The following ATP11B variants were observed in gnomAD, a reference collection of about 807,000 sequenced individuals.
ATP11B encodes phospholipid-transporting ATPase IF.
In ATP11B, 81 loss-of-function variants were observed where a neutral mutation model predicts 157.8. That is an observed-to-expected ratio of 0.51 (90% CI 0.43 to 0.62). The LOEUF (loss-of-function observed/expected upper bound fraction) is 0.62, where lower values mean the gene tolerates loss of function less well. Among genes scored for constraint, ATP11B ranks in the 20% least tolerant of loss-of-function variants. The pLI is 0.00. For synonymous variants in ATP11B, 451 were observed against 469.4 expected (o/e 0.96, Z 0.51); for missense variants, 1,165 against 1,402.2 (o/e 0.83, Z 2.70).
intron 22 of ATP11B, 41 bp from the exon 23 acceptor site, chr3:182,885,910 C>A (rs778731460): frequency 1.5e-6 from 2 of 1,358,350 alleles, no homozygotes; most frequent in South Asian, 1.5e-5. Flanking sequence ...TCTTTGAAAC[C>A]TAAATATTTT....
chr3:182,793,816 C>T (rs1437044442), intron 1 of ATP11B, 30 bp downstream of exon 1: 5 of 1,310,352 alleles, frequency 3.8e-6, no homozygotes, highest in African/African-American at 1.5e-5. Context: ...CACCTCCATT[C>T]GTCCGCCCCC....
chr3:182,814,019 CCTGA>C (rs1308286533), intron 1 of ATP11B, among the ~76,000 whole-genome samples: 1 of 152,076 alleles, frequency 6.6e-6, no homozygotes, highest in African/African-American at 2.4e-5. Context: ...AGCCACCACG[CCTGA>C]CTGACATTTA....
Position 182,859,326 on chromosome 3 carries a change from C to T in ATP11B, c.1167C>T (p.Val389=), listed in dbSNP as rs776310849. Residue 389 remains valine, a synonymous_variant, in exon 12 of 30, where the codon GTC becomes GTT. Coordinates refer to ENST00000323116, the MANE Select transcript of ATP11B (RefSeq NM_014616.3). ...YHEESDQKAQ[V]NTSDLNEELG... is the part of the protein sequence containing the mutation. The stretch of plus-strand genomic sequence containing the variant: ...AAGAATCAGATCAGAAAGCTCAAGT[C>T]AATACTTCCGATCTGAATGAAGAGC... The T allele has an allele frequency of 5.6e-6, 9 of 1,608,056 alleles. 1 individual carries two copies. In the South Asian group the frequency reaches 1.0e-4, roughly 18 times the overall value.
At chr3:182,913,814 A>T (rs372050766) in intron 28 of ATP11B, 47 bp from the exon 29 acceptor site, 98 of 1,613,310 alleles carry the variant, frequency 6.1e-5, no homozygotes, top group Non-Finnish European at 7.2e-5. Flanking sequence ...GCTTTTCAGA[A>T]GTCCATATCT....
Position 182,872,449 on chromosome 3 carries a change from T to C in ATP11B, c.1960T>C (p.Leu654=). 1 of 1,614,148 alleles carries C rather than the reference T, an allele frequency of 6.2e-7. No individual in the cohort carries two copies. Among genetic ancestry groups the C allele is most frequent in the Admixed American group, 1.7e-5 (1 of 60,026 alleles). ...ACGCATATTTGAAGCCAGGACTGCC[T>C]TGCAGCAGCGGGAAGAGAAATTGGC... ...DKRIFEARTA[L]QQREEKLAAV... is the part of the protein sequence containing the mutation. Residue 654 remains leucine, a synonymous_variant, in exon 18 of 30, where the codon TTG becomes CTG. Coordinates refer to ENST00000323116, the MANE Select transcript of ATP11B (RefSeq NM_014616.3).
Position 182,903,068 on chromosome 3 carries a change from ATG to A in ATP11B, c.3318+4304_3318+4305del, listed in dbSNP as rs552247595. ...ATTTAGTGCATCTATAAATCGAACAATGTGTGTGTATGTCTTATCTTTATCTC... is the reference window on the plus strand; with the variant it reads ...ATTTAGTGCATCTATAAATCGAACAATGTGTGTATGTCTTATCTTTATCTC... On this transcript the variant is annotated intron_variant, in intron 28 of 29. Transcript: ENST00000323116. 9.4e-3 allele frequency among the ~76,000 whole-genome samples: 1,424 copies of A among 152,176 alleles called. 10 individuals carry two copies. Among genetic ancestry groups the A allele is most frequent in the Non-Finnish European group, 0.015 (1,035 of 67,984 alleles).
chr3:182,818,382 T>C (rs1717098931), intron 1 of ATP11B, among the ~76,000 whole-genome samples: 1 of 152,258 alleles, frequency 6.6e-6, no homozygotes, highest in Non-Finnish European at 1.5e-5. Context: ...GGAAAATAAA[T>C]ATTTATGCCA....
intron 1 of ATP11B, among the ~76,000 whole-genome samples, chr3:182,795,050 T>A (rs1576934511): frequency 6.6e-6 from 1 of 150,432 alleles, no homozygotes; most frequent in Admixed American, 6.6e-5. Flanking sequence ...AAAAAAAAAA[T>A]TATAAATAAG....
intron 1 of ATP11B, among the ~76,000 whole-genome samples, chr3:182,801,163 A>G (rs1715988450): frequency 1.3e-5 from 2 of 152,246 alleles, no homozygotes; most frequent in African/African-American, 4.8e-5. Flanking sequence ...GCTTATGCAG[A>G]TAATCATACT....
In ATP11B at chr3:182,872,380, G is replaced by A. The variant is rs1721726465; in HGVS notation, c.1891G>A (p.Ala631Thr). 1.2e-6 allele frequency: 2 copies of A among 1,611,910 alleles called. No homozygotes were observed. The highest frequency in any genetic ancestry group is 1.3e-5 in the African/African-American group (1 of 74,900). The change falls in exon 18 of 30, where the codon GCA becomes ACA. Residue 631 changes from alanine (A) to threonine (T), a missense_variant. By Grantham distance (58) the Ala-to-Thr change is moderately conservative (BLOSUM62 0). This residue lies in a region of ATP11B where 737 missense variants were observed against 930.5 expected (regional missense o/e 0.79). Coordinates refer to ENST00000323116, the MANE Select transcript of ATP11B (RefSeq NM_014616.3). ...GAAAGGGCTAAGAACTCTGTGTATA[G>A]CATATAGAAAATTTACATCAAAAGA... ...ALKGLRTLCI[A>T]YRKFTSKEYE...
At chr3:182,870,461 A>G (rs1388291740) in intron 17 of ATP11B, among the ~76,000 whole-genome samples, 2 of 152,120 alleles carry the variant, frequency 1.3e-5, no homozygotes, top group Admixed American at 6.5e-5. Flanking sequence ...CAGTTTACCC[A>G]CCACATCGTA....
chr3:182,893,939 T>C (rs1723344679), intron 25 of ATP11B, among the ~76,000 whole-genome samples: 1 of 152,202 alleles, frequency 6.6e-6, no homozygotes, highest in Non-Finnish European at 1.5e-5. Context: ...CAGGTAGTGA[T>C]GTTGAGTATT....
intron 9 of ATP11B, among the ~76,000 whole-genome samples, chr3:182,846,519 C>T (rs1377656771): frequency 6.6e-6 from 1 of 152,122 alleles, no homozygotes; most frequent in East Asian, 1.9e-4. Flanking sequence ...AAAACTTCTA[C>T]AAGAATGTTC....
At chr3:182,809,240 A>G (rs748403518) in intron 1 of ATP11B, among the ~76,000 whole-genome samples, 2 of 151,772 alleles carry the variant, frequency 1.3e-5, no homozygotes, top group Non-Finnish European at 1.5e-5. Flanking sequence ...TATTTCTTTT[A>G]TTTAATTTTA....
chr3:182,903,076 G>GT (rs1317918926), intron 28 of ATP11B, among the ~76,000 whole-genome samples: 1 of 151,952 alleles, frequency 6.6e-6, no homozygotes, highest in African/African-American at 2.4e-5. Context: ...CAATGTGTGT[G>GT]TATGTCTTAT....
At chr3:182,888,306 T>C (rs1722935751) in intron 24 of ATP11B, among the ~76,000 whole-genome samples, 3 of 152,176 alleles carry the variant, frequency 2.0e-5, no homozygotes, top group Admixed American at 1.3e-4. Flanking sequence ...CCTCAGGTTA[T>C]CTAGGACAGG....
At chr3:182,813,396 GTGTTT>G (rs915301629) in intron 1 of ATP11B, among the ~76,000 whole-genome samples, 17 of 152,092 alleles carry the variant, frequency 1.1e-4, no homozygotes, top group East Asian at 1.9e-4. Context: ...GTTTTGTGGG[GTGTTT>G]TGTTTTGTTT....
chr3:182,863,843 A>C (rs1721033481), intron 12 of ATP11B, among the ~76,000 whole-genome samples: 1 of 151,874 alleles, frequency 6.6e-6, no homozygotes, highest in South Asian at 2.1e-4. Flanking sequence ...TTTCTGTTTG[A>C]TTGCTAATGT....
At chr3:182,898,484 T>A in intron 27 of ATP11B, 123 bp from the exon 28 acceptor site, 1 of 616,888 alleles carries the variant, frequency 1.6e-6, no homozygotes, top group Non-Finnish European at 2.6e-6. Flanking sequence ...TAAATTATAC[T>A]GATTTCAGTT....
Sources: allele counts gnomAD v4.1 joint callset (sites outside exome capture counted in the v4.1 genomes callset), GRCh38; gene constraint gnomAD v4.1.1; regional missense constraint gnomAD v4.1.1; transcripts MANE v1.5; gene names NCBI Gene and HGNC (gene_info 2026-07-23, HGNC 2026-07-21).